Variants in SLC35E1 observed in about 807,000 individuals in gnomAD.
The protein encoded by SLC35E1 is solute carrier family 35 member E1, also known as solute carrier family 35, member E1.
Under a neutral mutation model 31.0 loss-of-function variants are expected in SLC35E1, and 12 were observed. The observed-to-expected ratio is 0.39, with a 90% confidence interval of 0.25 to 0.63. The LOEUF (loss-of-function observed/expected upper bound fraction) is 0.63. Ranked by LOEUF, SLC35E1 falls within the 20% of genes least tolerant of loss-of-function variation. The pLI is 0.52. For synonymous variants in SLC35E1, 257 were observed against 264.1 expected (o/e 0.97, Z 0.26); for missense variants, 429 against 572.2 (o/e 0.75, Z 2.55).
chr19:16,562,643 T>A (rs1197001216), intron 4 of SLC35E1, among the ~76,000 whole-genome samples: 1 of 152,070 alleles, frequency 6.6e-6, no homozygotes, highest in Non-Finnish European at 1.5e-5. Context: ...TTCTACCATA[T>A]ATTTTCAATT....
Position 16,551,933 on chromosome 19 carries a change from G to T in SLC35E1, c.*1746C>A, listed in dbSNP as rs1003030904. On this transcript the variant is annotated 3_prime_UTR_variant, in exon 6 of 6. Transcript: ENST00000595753. ...CCATGCCTGGCTAATTTTTGTTTTA[G>T]TAGAGATGGGGTTTCACCATGTTGG... 4 of 151,680 alleles carry T rather than the reference G, an allele frequency of 2.6e-5. No homozygotes were observed. The highest frequency in any genetic ancestry group is 2.0e-4 in the Admixed American group (3 of 15,194). The allele number at this position is 151,680 out of a possible 1,614,324, so 9.4% of individuals were successfully genotyped here. A position where few individuals can be genotyped will look rare whatever the true frequency, so the allele number is the denominator to read the frequency against.
chr19:16,560,894 A>AAAAAAAAAACAAAAGAAAAAAAC (rs1282867880), intron 4 of SLC35E1, among the ~76,000 whole-genome samples: 36 of 143,598 alleles, frequency 2.5e-4, no homozygotes, highest in African/African-American at 7.8e-4. Flanking sequence ...AAAAAAAAAA[A>AAAAAAAAAACAAAAGAAAAAAAC]AAAAAAGAGA....
chr19:16,559,043 C>T (rs925740880), intron 4 of SLC35E1, among the ~76,000 whole-genome samples: 1 of 152,118 alleles, frequency 6.6e-6, no homozygotes, highest in Non-Finnish European at 1.5e-5. Flanking sequence ...TCTGGGATTA[C>T]AGGCATGAGC....
rs117296454 is a variant in SLC35E1, at chr19:16,565,153, C to T, written c.756+1379G>A. The T allele has an allele frequency of 5.2e-3, 2,373 of 456,370 alleles. 8 individuals are homozygous for T. Among genetic ancestry groups the T allele is most frequent in the Non-Finnish European group, 7.2e-3 (1,630 of 226,858 alleles). The allele number at this position is 456,370 out of a possible 1,614,324, so 28.3% of individuals were successfully genotyped here. On this transcript the variant is annotated intron_variant, in intron 4 of 5. Coordinates refer to ENST00000595753, the MANE Select transcript of SLC35E1 (RefSeq NM_024881.5). ...AGACCCTGCAGGTGGCAAAAAGATT[C>T]GACGTGGAGTAAATGGAAACAGAGA...
At chr19:16,570,851 C>G (rs1321195988) in intron 2 of SLC35E1, among the ~76,000 whole-genome samples, 1 of 152,170 alleles carries the variant, frequency 6.6e-6, no homozygotes, top group Non-Finnish European at 1.5e-5. Context: ...AATACCAGCA[C>G]TTTGGGAGGC....
In SLC35E1 at chr19:16,568,031, C is replaced by T. The variant is rs762986798; in HGVS notation, c.630+1G>A. On this transcript the variant is annotated splice_donor_variant, in intron 3 of 5. Coordinates refer to ENST00000595753, the MANE Select transcript of SLC35E1 (RefSeq NM_024881.5). LOFTEE classifies it high-confidence loss of function. ...CATGTCCGCTGATGGTGACCAAATA[C>T]CTTTTTGGAGAAAATGTTCTGAAGC... 6.2e-7 allele frequency: 1 copy of T among 1,608,754 alleles called. No individual in the cohort carries two copies. Among genetic ancestry groups the T allele is most frequent in the African/African-American group, 1.3e-5 (1 of 74,694 alleles).
intron 3 of SLC35E1, 38 bp downstream of exon 3, chr19:16,567,992 CCT>C (rs3214457): frequency 1.9e-6 from 3 of 1,552,912 alleles, no homozygotes; most frequent in East Asian, 2.4e-5. Context: ...CCCGCACACC[CCT>C]GAAACCCCAT....
rs941572102 is a variant in SLC35E1 at position 16,550,918 on chromosome 19, C to T, written c.*2761G>A. Reference sequence around the variant, plus strand: ...ATAATAAAACCAGACAGTCATTTCCCGTCACCAGCAGATCTTGCATTGGAA... The same window carrying T: ...ATAATAAAACCAGACAGTCATTTCCTGTCACCAGCAGATCTTGCATTGGAA... On this transcript the variant is annotated 3_prime_UTR_variant, in exon 6 of 6. Transcript: ENST00000595753. 6.6e-6 allele frequency: 1 copy of T among 152,158 alleles called. No homozygotes were observed. 9.4% of individuals were successfully genotyped at this position (152,158 alleles called of 1,614,324 possible).
chr19:16,566,403 G>C, intron 4 of SLC35E1, 129 bp downstream of exon 4: 1 of 1,284,938 alleles, frequency 7.8e-7, no homozygotes, highest in East Asian at 2.5e-5. Context: ...AGGACTGACT[G>C]CTGAAAGCGC....
chr19:16,561,361 G>A (rs2085905862), intron 4 of SLC35E1, among the ~76,000 whole-genome samples: 1 of 151,692 alleles, frequency 6.6e-6, no homozygotes, highest in Non-Finnish European at 1.5e-5. Context: ...CTCATTCAGT[G>A]CCCACATCTA....
In SLC35E1 at chr19:16,553,682, C is replaced by T. The variant is rs750722311; in HGVS notation, c.1230G>A (p.Val410=). ...GTCTGGTCCTGTCCTTTGGACTCTACACATCATAGCGGTTCAAACTGTACG... is the reference window on the plus strand; with the variant it reads ...GTCTGGTCCTGTCCTTTGGACTCTATACATCATAGCGGTTCAAACTGTACG... ...PNSYSLNRYD[V] The change falls in exon 6 of 6, where the codon GTG becomes GTA. Residue 410 remains valine (V), a synonymous_variant. Coordinates refer to ENST00000595753, the MANE Select transcript of SLC35E1 (RefSeq NM_024881.5). The T allele has an allele frequency of 5.2e-6, 8 of 1,539,284 alleles. No homozygotes were observed. In the East Asian group the frequency reaches 1.8e-4, roughly 35 times the overall value.
At chr19:16,564,599 C>T (rs1028109145) in intron 4 of SLC35E1, among the ~76,000 whole-genome samples, 1 of 152,018 alleles carries the variant, frequency 6.6e-6, no homozygotes, top group African/African-American at 2.4e-5. Flanking sequence ...AGCCACTGCG[C>T]CTGGCCAAGA....
chr19:16,555,181 C>T lies in SLC35E1; in HGVS notation c.973G>A (p.Ala325Thr). Reference sequence around the variant, plus strand: ...TTATAGAGGAAGACCCCCAGGATGGCGGTCATCATGCCCAGGACGTTGGTG... The same window carrying T: ...TTATAGAGGAAGACCCCCAGGATGGTGGTCATCATGCCCAGGACGTTGGTG... ...TSTNVLGMMT[A>T]ILGVFLYNKT... The change falls in exon 5 of 6, where the codon GCC becomes ACC. Residue 325 changes from alanine (A) to threonine (T), a missense_variant. Ala to Thr is a moderately conservative substitution (Grantham distance 58). Transcript: ENST00000595753. The surrounding 1 kb of genome is among the most constrained non-coding windows in gnomAD (Gnocchi z 4.1). The T allele has an allele frequency of 1.9e-6, 3 of 1,614,138 alleles. No individual in the cohort carries two copies. The highest frequency in any genetic ancestry group is 2.5e-6 in the Non-Finnish European group (3 of 1,180,030).
In SLC35E1 at chr19:16,571,945, G is replaced by C; in HGVS notation, c.420C>G (p.Thr140=). The part of the protein sequence containing the change: ...IWKVPVSYAH[T]VKATMPIWVV... ...CCCGAGGCCGGGCGCGGAACCTACC[G>C]GTGTGTGCATAGGACACGGGCACCT... Residue 140 remains threonine (T), a splice_region_variant and synonymous_variant, in exon 1 of 6, where the codon ACC becomes ACG. Coordinates refer to ENST00000595753, the MANE Select transcript of SLC35E1 (RefSeq NM_024881.5). The C allele has an allele frequency of 6.5e-7, 1 of 1,546,494 alleles. No individual in the cohort carries two copies. Among genetic ancestry groups the C allele is most frequent in the Non-Finnish European group, 8.7e-7 (1 of 1,145,014 alleles).
At position 16,553,663 on chromosome 19, in the gene SLC35E1, T is replaced by C; in HGVS notation, c.*16A>G. 6.7e-7 allele frequency: 1 copy of C among 1,488,978 alleles called. No individual in the cohort carries two copies. The highest frequency in any genetic ancestry group is 9.0e-7 in the Non-Finnish European group (1 of 1,110,746). The allele number at this position is 1,488,978 out of a possible 1,614,324, so 92.2% of individuals were successfully genotyped here. A position where few individuals can be genotyped will look rare whatever the true frequency, so the allele number is the denominator to read the frequency against. On this transcript the variant is annotated 3_prime_UTR_variant, in exon 6 of 6. Coordinates refer to ENST00000595753, the MANE Select transcript of SLC35E1 (RefSeq NM_024881.5). ...GGGGAAGGAGTCACCAACAGTCTGG[T>C]CCTGTCCTTTGGACTCTACACATCA... is the stretch of plus-strand genomic sequence containing the variant.
At chr19:16,571,895 C>G in intron 1 of SLC35E1, 49 bp downstream of exon 1, 2 of 1,518,836 alleles carry the variant, frequency 1.3e-6, no homozygotes, top group Non-Finnish European at 8.8e-7. Context: ...CGCCCAAACC[C>G]GAAGCGGCGG....
chr19:16,556,634 A>C (rs1364427263), intron 4 of SLC35E1, among the ~76,000 whole-genome samples: 1 of 152,254 alleles, frequency 6.6e-6, no homozygotes, highest in Non-Finnish European at 1.5e-5. Flanking sequence ...CAAAGAGCCT[A>C]GGCTGGTCCC....
chr19:16,569,418 T>G (rs1364845049), intron 2 of SLC35E1, among the ~76,000 whole-genome samples: 1 of 152,196 alleles, frequency 6.6e-6, no homozygotes, highest in African/African-American at 2.4e-5. Flanking sequence ...TAGCACTCAG[T>G]AGGCACTCAA....
chr19:16,572,023 C>A lies in SLC35E1; in HGVS notation c.342G>T (p.Pro114=). Residue 114 remains proline (P), a synonymous_variant, in exon 1 of 6, where the codon CCG becomes CCT. Transcript: ENST00000595753. This position sits in a 1 kb window ranked among gnomAD's most constrained non-coding sequence, Gnocchi z 4.1. ...PPRFYPRYVL[P]LAFGKYFASV... ...ACGCGAAGTACTTGCCGAAGGCGAGCGGTAGCACGTAGCGCGGGTAGAAGC... is the reference window on the plus strand; with the variant it reads ...ACGCGAAGTACTTGCCGAAGGCGAGAGGTAGCACGTAGCGCGGGTAGAAGC... The A allele has an allele frequency of 6.5e-7, 1 of 1,544,728 alleles. No homozygotes were observed. Among genetic ancestry groups the A allele is most frequent in the Non-Finnish European group, 8.7e-7 (1 of 1,144,690 alleles).
Sources: gnomAD v4.1 joint callset for allele counts (sites outside exome capture counted in the v4.1 genomes callset) on GRCh38, gnomAD v4.1.1 for gene constraint, Gnocchi (gnomAD v3.1) non-coding constraint, MANE v1.5 for transcripts, NCBI Gene and HGNC (gene_info 2026-07-23, HGNC 2026-07-21) for gene names.